Variants in MZB1 observed in about 807,000 individuals in gnomAD.
MZB1 encodes the protein marginal zone B- and B1-cell-specific protein.
A neutral mutation model predicts 17.2 loss-of-function variants in MZB1; 10 were observed. That is an observed-to-expected ratio of 0.58 (90% CI 0.36 to 0.98). MZB1 has a LOEUF of 0.98. Among genes scored for constraint, MZB1 ranks in the 50% least tolerant of loss-of-function variants. MZB1 has a pLI of 0.01. For missense variants in MZB1, 246 were observed against 237.5 expected, an observed-to-expected ratio of 1.04 and a Z score of -0.23; for synonymous variants, 99 against 98.7, an observed-to-expected ratio of 1.00 and a Z score of -0.02.
At chr5:139,388,829 C>G (rs1487932195) in intron 1 of MZB1, 1 of 456,958 alleles carries the variant, frequency 2.2e-6, no homozygotes, top group Non-Finnish European at 3.9e-6. Flanking sequence ...GGTCCCTCGT[C>G]CAGGGCACAC....
chr5:139,388,304 C>G (rs1344060078), intron 2 of MZB1, among the ~76,000 whole-genome samples, 157 bp downstream of exon 2: 3 of 152,234 alleles, frequency 2.0e-5, no homozygotes, highest in African/African-American at 7.2e-5. Flanking sequence ...CTCCCACTTG[C>G]TCTCAGCTCC....
Position 139,388,125 on chromosome 5 carries a change from T to C in MZB1, c.309A>G (p.Gly103=). 1 of 1,550,532 alleles carries C rather than the reference T, an allele frequency of 6.4e-7. No individual in the cohort carries two copies. Among genetic ancestry groups the C allele is most frequent in the Non-Finnish European group, 8.7e-7 (1 of 1,147,052 alleles). ...RSCSRNWQDY[G]VREVDQVKRL... ...GTTTCACTTGGTCCACTTCTCGAACTCCGTAGCTGGTGGCAGTGGAGAGGA... is the reference window on the plus strand; with the variant it reads ...GTTTCACTTGGTCCACTTCTCGAACCCCGTAGCTGGTGGCAGTGGAGAGGA... The change falls in exon 3 of 4, where the codon GGA becomes GGG. Residue 103 remains glycine (G), a synonymous_variant. Coordinates refer to ENST00000302125, the MANE Select transcript of MZB1 (RefSeq NM_016459.4).
chr5:139,389,572 T>G, intron 1 of MZB1, 108 bp downstream of exon 1: 1 of 1,285,288 alleles, frequency 7.8e-7, no homozygotes, highest in Non-Finnish European at 1.1e-6. Context: ...TGATGCCCAG[T>G]GGTAGGGATT....
At position 139,389,681 on chromosome 5, in the gene MZB1, T is replaced by A. The variant is rs778130394; in HGVS notation, c.176A>T (p.Gln59Leu). The change falls in exon 1 of 4, where the codon CAG (glutamine) becomes CTG (leucine). Residue 59 changes from glutamine (Q) to leucine (L), a missense_variant and splice_region_variant. Gln to Leu is a moderately radical substitution (Grantham distance 113, BLOSUM62 -2). Coordinates refer to ENST00000302125, the MANE Select transcript of MZB1 (RefSeq NM_016459.4). ...GGGTGACAGTGGTGAAGGACTCACC[T>A]GGTAAGCCACAGCTCTGCAGGCATC... ...RCDACRAVAY[Q>L]MWQNLAKAET... The A allele has an allele frequency of 6.3e-7, 1 of 1,588,410 alleles. No homozygotes were observed. The highest frequency in any genetic ancestry group is 1.8e-5 in the Admixed American group (1 of 56,062).
Position 139,388,035 on chromosome 5 carries a change from G to A in MZB1, c.399C>T (p.Gly133=), listed in dbSNP as rs755970118. 2.0e-5 allele frequency: 31 copies of A among 1,557,232 alleles called. No individual in the cohort carries two copies. In the South Asian group the frequency reaches 3.2e-4, roughly 16 times the overall value. The change falls in exon 3 of 4, where the codon GGC becomes GGT. Residue 133 remains glycine, a synonymous_variant. Transcript: ENST00000302125. ...CCGGGCATCACCTGGTAGGCCAGGGGCCCCCTGTGACCATCACGCTGATGC... is the reference window on the plus strand; with the variant it reads ...CCGGGCATCACCTGGTAGGCCAGGGACCCCCTGTGACCATCACGCTGATGC... ...EPSISVMVTG[G]PWPTRLSRTC...
At chr5:139,387,990 C>T in intron 3 of MZB1, 31 bp downstream of exon 3, 2 of 1,572,478 alleles carry the variant, frequency 1.3e-6, no homozygotes, top group Non-Finnish European at 1.7e-6. Flanking sequence ...GCTCCAGGAG[C>T]TTCATCCTAT....
At chr5:139,388,803 G>A in intron 1 of MZB1, 1 of 659,698 alleles carries the variant, frequency 1.5e-6, no homozygotes, top group Non-Finnish European at 2.4e-6. Context: ...AGTGGTAGGT[G>A]AGGCCTGGGC....
In MZB1 at chr5:139,388,756, T is replaced by G. The variant is rs1393374693; in HGVS notation, c.178-171A>C. 4 of 1,163,244 alleles carry G rather than the reference T, an allele frequency of 3.4e-6. No individual in the cohort carries two copies. In the African/African-American group the frequency reaches 4.7e-5, roughly 14 times the overall value. The allele number at this position is 1,163,244 out of a possible 1,614,324, so 72.1% of individuals were successfully genotyped here. A position where few individuals can be genotyped will look rare whatever the true frequency, so the allele number is the denominator to read the frequency against. ...GCCCCTCCCCCAGCCCCCAAAGCTC[T>G]CTGGGATGGGGATGGGGGATGGGAA... On this transcript the variant is annotated intron_variant, in intron 1 of 3. Transcript: ENST00000302125.
intron 1 of MZB1, chr5:139,389,358 A>C (rs1581392427): frequency 3.5e-6 from 2 of 568,700 alleles, no homozygotes; most frequent in East Asian, 8.1e-5. Context: ...CACTTGCACC[A>C]TGTACACATA....
chr5:139,389,731 G>T lies in MZB1; in HGVS notation c.126C>A (p.Ala42=). Residue 42 remains alanine, a synonymous_variant, in exon 1 of 4, where the codon GCC becomes GCA. Coordinates refer to ENST00000302125, the MANE Select transcript of MZB1 (RefSeq NM_016459.4). ...CACAGCGCAGGTGAGCGGGCATGTGGGCTGAGTACATCTCCTCATCATCCA... is the reference window on the plus strand; with the variant it reads ...CACAGCGCAGGTGAGCGGGCATGTGTGCTGAGTACATCTCCTCATCATCCA... The part of the protein sequence containing the change: ...PQLDDEEMYS[A]HMPAHLRCDA... The T allele has an allele frequency of 6.3e-7, 1 of 1,575,878 alleles. No individual in the cohort carries two copies. Among genetic ancestry groups the T allele is most frequent in the Non-Finnish European group, 8.6e-7 (1 of 1,161,212 alleles).
chr5:139,388,770 GGGGGA>G, intron 1 of MZB1, 185 bp from the exon 2 acceptor site: 1 of 947,660 alleles, frequency 1.1e-6, no homozygotes, highest in African/African-American at 1.7e-5. Context: ...GGATGGGGAT[GGGGGA>G]TGGGAAAGAA....
At position 139,387,927 on chromosome 5, in the gene MZB1, G is replaced by A. The variant is rs747985186; in HGVS notation, c.414-6C>T. 7.0e-6 allele frequency: 11 copies of A among 1,576,386 alleles called. No individual in the cohort carries two copies. The highest frequency in any genetic ancestry group is 3.5e-5 in the South Asian group (3 of 84,844). On this transcript the variant is annotated splice_region_variant and splice_polypyrimidine_tract_variant and intron_variant, in intron 3 of 3. Coordinates refer to ENST00000302125, the MANE Select transcript of MZB1 (RefSeq NM_016459.4). ...GCAAACATGTCCTGGAGAGCCTAGG[G>A]GAGCCCAGCAGGAGCCTCAGATGCT...
rs1758537054 is a variant in MZB1 at position 139,387,659 on chromosome 5, T to C, written c.*106A>G. On this transcript the variant is annotated 3_prime_UTR_variant, in exon 4 of 4. Transcript: ENST00000302125. The stretch of plus-strand genomic sequence containing the variant: ...CTGAGGCTGGAGGAGGGAGGCAGGA[T>C]GGCAGCACAGAGCAAGGGCTTCCTG... The C allele has an allele frequency of 1.5e-6, 2 of 1,374,028 alleles. No individual in the cohort carries two copies. Among genetic ancestry groups the C allele is most frequent in the Non-Finnish European group, 1.9e-6 (2 of 1,044,020 alleles). The allele number at this position is 1,374,028 out of a possible 1,614,324, so 85.1% of individuals were successfully genotyped here. A position where few individuals can be genotyped will look rare whatever the true frequency, so the allele number is the denominator to read the frequency against.
chr5:139,388,538 G>C lies in MZB1; in HGVS notation c.225C>G (p.Asn75Lys), dbSNP rs1257913625. ...CGCTCAGCTCCCGCCGCCCCCCAGAGTTTGAGGTATGAAGTTTGGTCTCTG... is the reference window on the plus strand; with the variant it reads ...CGCTCAGCTCCCGCCGCCCCCCAGACTTTGAGGTATGAAGTTTGGTCTCTG... ...AKAETKLHTS[N>K]SGGRRELSEL... is the part of the protein sequence containing the mutation. Residue 75 changes from asparagine (N) to lysine (K), a missense_variant, in exon 2 of 4, where the codon AAC becomes AAG. By Grantham distance (94) the Asn-to-Lys change is moderately conservative (BLOSUM62 0). Coordinates refer to ENST00000302125, the MANE Select transcript of MZB1 (RefSeq NM_016459.4). 10 of 1,601,310 alleles carry C rather than the reference G, an allele frequency of 6.2e-6. No homozygotes were observed. Among genetic ancestry groups the C allele is most frequent in the Non-Finnish European group, 8.5e-6 (10 of 1,174,040 alleles).
intron 1 of MZB1, chr5:139,388,903 G>A (rs1425841901): frequency 4.6e-5 from 10 of 219,416 alleles, no homozygotes; most frequent in Admixed American, 3.8e-4. Flanking sequence ...GTCTCACGCC[G>A]TTCGTCGCCC....
rs1581392793 is a variant in MZB1, at chr5:139,389,743, C to G, written c.114G>C (p.Glu38Asp). ...GAGCGGGCATGTGGGCTGAGTACAT[C>G]TCCTCATCATCCAGTTGTGGGGCTG... is the stretch of plus-strand genomic sequence containing the variant. ...TATAPQLDDE[E>D]MYSAHMPAHL... The change falls in exon 1 of 4, where the codon GAG becomes GAC. Residue 38 changes from glutamate (E) to aspartate (D), a missense_variant. Glu to Asp is a conservative substitution (Grantham distance 45). Coordinates refer to ENST00000302125, the MANE Select transcript of MZB1 (RefSeq NM_016459.4). The G allele has an allele frequency of 3.2e-6, 5 of 1,569,486 alleles. No homozygotes were observed. The highest frequency in any genetic ancestry group is 4.3e-6 in the Non-Finnish European group (5 of 1,157,510).
Position 139,388,460 on chromosome 5 carries a change from C to T in MZB1, c.302+1G>A. 3 of 1,601,928 alleles carry T rather than the reference C, an allele frequency of 1.9e-6. No homozygotes were observed. The highest frequency in any genetic ancestry group is 2.3e-5 in the South Asian group (2 of 88,730). ...GGTGGGGGGCAGGATTGGCAACTCA[C>T]TCCTGCCAGTTCCGGGAGCAGCTCC... On this transcript the variant is annotated splice_donor_variant, in intron 2 of 3. Transcript: ENST00000302125. LOFTEE classifies it high-confidence loss of function.
rs1758539514 is a variant in MZB1 at position 139,387,815 on chromosome 5, G to GT, written c.519dup (p.Pro174ThrfsTer25). On this transcript the variant is annotated frameshift_variant, in exon 4 of 4. Coordinates refer to ENST00000302125, the MANE Select transcript of MZB1 (RefSeq NM_016459.4). LOFTEE classifies it low-confidence loss of function (END_TRUNC). ...ACCTTCTCTGAGCAGGCCCCCTGGG[G>GT]TCCCCCACATAGCAATGCCTCCAGA... 1.3e-6 allele frequency: 2 copies of GT among 1,589,872 alleles called. No individual in the cohort carries two copies.
intron 1 of MZB1, chr5:139,388,909 C>A: frequency 4.6e-6 from 1 of 215,874 alleles, no homozygotes; most frequent in South Asian, 6.9e-5. Flanking sequence ...CGCCGTTCGT[C>A]GCCCAGGCTG....
Sources: gnomAD v4.1 joint callset for allele counts (sites outside exome capture counted in the v4.1 genomes callset) on GRCh38, gnomAD v4.1.1 for gene constraint, MANE v1.5 for transcripts, NCBI Gene and HGNC (gene_info 2026-07-23, HGNC 2026-07-21) for gene names.